KCND2: variants seen among roughly 807,000 people sequenced by gnomAD.
KCND2 encodes the protein potassium voltage-gated channel subfamily D member 2.
In KCND2, 16 loss-of-function variants were observed where a neutral mutation model predicts 54.4. That is an observed-to-expected ratio of 0.29 (90% confidence interval 0.20 to 0.45). KCND2 has a LOEUF of 0.45. KCND2 is among the 20% of genes least tolerant of loss of function. The pLI is 1.00. For synonymous variants in KCND2, 317 were observed against 310.7 expected, an observed-to-expected ratio of 1.02 and a Z score of -0.21; for missense variants, 486 against 824.2, an observed-to-expected ratio of 0.59 and a Z score of 5.02.
intron 1 of KCND2, among the ~76,000 whole-genome samples, chr7:120,351,238 ATG>A (rs377729206): frequency 1.5e-5 from 1 of 64,580 alleles, no homozygotes; most frequent in African/African-American, 4.0e-5. Flanking sequence ...ATATATTTAT[ATG>A]TGTGTATATA....
At chr7:120,313,741 A>ATTTTTT (rs386411129) in intron 1 of KCND2, among the ~76,000 whole-genome samples, 122 of 132,148 alleles carry the variant, frequency 9.2e-4, no homozygotes, top group South Asian at 1.6e-3. Context: ...GTCTCCTGGG[A>ATTTTTT]TTTTTTTTTT....
At chr7:120,397,464 C>T (rs955402609) in intron 1 of KCND2, among the ~76,000 whole-genome samples, 1 of 151,936 alleles carries the variant, frequency 6.6e-6, no homozygotes, top group African/African-American at 2.4e-5. Flanking sequence ...CTTTATTCTG[C>T]ATGTATGATG....
At chr7:120,651,232 G>A (rs1791728943) in intron 1 of KCND2, among the ~76,000 whole-genome samples, 1 of 143,264 alleles carries the variant, frequency 7.0e-6, no homozygotes. Flanking sequence ...TACAGAGGCA[G>A]GCAGGCCTCC....
At chr7:120,722,707 G>A (rs535200722) in intron 1 of KCND2, among the ~76,000 whole-genome samples, 1 of 152,230 alleles carries the variant, frequency 6.6e-6, no homozygotes, top group East Asian at 1.9e-4. Flanking sequence ...AATAGCTAAT[G>A]GATTTTAGGC....
chr7:120,621,401 A>T (rs1793097516), intron 1 of KCND2, among the ~76,000 whole-genome samples: 1 of 151,606 alleles, frequency 6.6e-6, no homozygotes, highest in African/African-American at 2.4e-5. Context: ...AAACACATTG[A>T]AGGATGGGGT....
chr7:120,333,138 C>A (rs953841993), intron 1 of KCND2, among the ~76,000 whole-genome samples: 38 of 152,030 alleles, frequency 2.5e-4, no homozygotes, highest in African/African-American at 8.9e-4. Context: ...CTGTTTCAGT[C>A]ACTTAGTTAT....
chr7:120,673,426 A>C (rs2116576324), intron 1 of KCND2, among the ~76,000 whole-genome samples: 1 of 152,218 alleles, frequency 6.6e-6, no homozygotes, highest in East Asian at 1.9e-4. Flanking sequence ...GATAGTTGGA[A>C]TACAGCTTCC....
intron 1 of KCND2, among the ~76,000 whole-genome samples, chr7:120,639,004 T>C (rs1242272788): frequency 1.3e-5 from 2 of 152,152 alleles, no homozygotes; most frequent in Non-Finnish European, 2.9e-5. Context: ...CTCCTGCGAG[T>C]GTTTTAAAGT....
intron 1 of KCND2, among the ~76,000 whole-genome samples, chr7:120,631,331 A>G (rs916491437): frequency 1.3e-5 from 2 of 152,132 alleles, no homozygotes; most frequent in African/African-American, 4.8e-5. Flanking sequence ...GTCAATTTCA[A>G]TTTGAGGCTC....
intron 1 of KCND2, among the ~76,000 whole-genome samples, chr7:120,579,659 T>A (rs1203366106): frequency 6.7e-6 from 1 of 150,132 alleles, no homozygotes; most frequent in African/African-American, 2.4e-5. Flanking sequence ...ATAAAATAAA[T>A]AAAAATTAAA....
intron 1 of KCND2, among the ~76,000 whole-genome samples, chr7:120,396,212 C>A (rs1046066811): frequency 2.0e-5 from 3 of 151,974 alleles, no homozygotes; most frequent in Non-Finnish European, 4.4e-5. Flanking sequence ...ACCCTTTGAC[C>A]TAAACATATA....
chr7:120,384,998 C>T (rs60687774), intron 1 of KCND2, among the ~76,000 whole-genome samples: 3 of 82,528 alleles, frequency 3.6e-5, no homozygotes, highest in East Asian at 4.3e-4. Flanking sequence ...TTGTATATAA[C>T]TTTTTTTTTT....
At position 120,719,715 on chromosome 7, in the gene KCND2, C is replaced by T. The variant is rs143257970; in HGVS notation, c.1116-13188C>T. On this transcript the variant is annotated intron_variant, in intron 1 of 5. Coordinates refer to ENST00000331113, the MANE Select transcript of KCND2 (RefSeq NM_012281.3). ...AATAAAACAACAAGCAAAACAAAAG[C>T]TCCTGCAACAAAAAAGACTCATAAG... Among the ~76,000 whole-genome samples the T allele has an allele frequency of 4.4e-3, 664 of 152,144 alleles. 6 individuals carry two copies. Among genetic ancestry groups the T allele is most frequent in the African/African-American group, 0.015 (637 of 41,536 alleles).
At chr7:120,712,425 A>ATT (rs1160485246) in intron 1 of KCND2, among the ~76,000 whole-genome samples, 1 of 140,516 alleles carries the variant, frequency 7.1e-6, no homozygotes, top group African/African-American at 2.6e-5. Flanking sequence ...TACCACGCCC[A>ATT]TTTTTTTTTT....
At chr7:120,481,689 C>G (rs953662789) in intron 1 of KCND2, among the ~76,000 whole-genome samples, 3 of 152,170 alleles carry the variant, frequency 2.0e-5, no homozygotes, top group Admixed American at 2.0e-4. Context: ...CATTCTGAAG[C>G]AGTGCTTTTT....
At chr7:120,632,044 C>T (rs1380494029) in intron 1 of KCND2, among the ~76,000 whole-genome samples, 1 of 152,130 alleles carries the variant, frequency 6.6e-6, no homozygotes, top group Non-Finnish European at 1.5e-5. Flanking sequence ...TCTAATACCC[C>T]AATTTCCTGG....
intron 1 of KCND2, among the ~76,000 whole-genome samples, chr7:120,516,385 C>T (rs1234963574): frequency 6.6e-6 from 1 of 152,026 alleles, no homozygotes; most frequent in African/African-American, 2.4e-5. Flanking sequence ...TATAATTATA[C>T]AGATATTGCT....
At chr7:120,403,278 G>C (rs1801292720) in intron 1 of KCND2, among the ~76,000 whole-genome samples, 1 of 151,536 alleles carries the variant, frequency 6.6e-6, no homozygotes, top group African/African-American at 2.4e-5. Flanking sequence ...GCTACAGATT[G>C]GCCCAGAAAT....
intron 1 of KCND2, among the ~76,000 whole-genome samples, chr7:120,678,115 A>G (rs1367355852): frequency 6.6e-6 from 1 of 151,930 alleles, no homozygotes; most frequent in Non-Finnish European, 1.5e-5. Flanking sequence ...TTATCAGAAC[A>G]GAATACATTC....
Sources: gnomAD v4.1 joint callset for allele counts (sites outside exome capture counted in the v4.1 genomes callset) on GRCh38, gnomAD v4.1.1 for gene constraint, MANE v1.5 for transcripts, NCBI Gene and HGNC (gene_info 2026-07-23, HGNC 2026-07-21) for gene names.